The following CEP192 variants were observed in gnomAD, a reference collection of about 807,000 sequenced individuals.
CEP192 encodes centrosomal protein 192.
A neutral mutation model predicts 271.8 loss-of-function variants in CEP192; 151 were observed. That is an observed-to-expected ratio of 0.56 (90% CI 0.49 to 0.64). The LOEUF is 0.64. Among genes scored for constraint, CEP192 ranks in the 30% least tolerant of loss-of-function variants. The pLI, the probability that CEP192 is intolerant of heterozygous loss-of-function variation, is 0.00. For missense variants in CEP192, 2,910 were observed against 3,020.5 expected, an observed-to-expected ratio of 0.96 and a Z score of 0.86; for synonymous variants, 995 against 1,076.5, an observed-to-expected ratio of 0.92 and a Z score of 1.48.
chr18:13,073,145 A>G lies in CEP192; in HGVS notation c.5576A>G (p.Lys1859Arg). ...TGCATGTTGGCTAGACTAGAAATCA[A>G]ACAACTTGGAAATCGATCACAACCA... is the stretch of plus-strand genomic sequence containing the variant. Reference protein sequence around the residue: ...LSCMLARLEIKQLGNRSQPGI... With the variant: ...LSCMLARLEIRQLGNRSQPGI... Residue 1859 changes from lysine (K) to arginine (R), a missense_variant, in exon 30 of 45, where the codon AAA (lysine) becomes AGA (arginine). By Grantham distance (26) the Lys-to-Arg change is conservative. Coordinates refer to ENST00000506447, the MANE Select transcript of CEP192 (RefSeq NM_032142.4). The G allele has an allele frequency of 6.2e-7, 1 of 1,612,506 alleles. No individual in the cohort carries two copies. The highest frequency in any genetic ancestry group is 8.5e-7 in the Non-Finnish European group (1 of 1,179,642).
intron 34 of CEP192, among the ~76,000 whole-genome samples, chr18:13,093,050 T>C (rs1363263969): frequency 1.3e-5 from 2 of 151,778 alleles, no homozygotes; most frequent in African/African-American, 2.4e-5. Context: ...TCCCAGCTAC[T>C]GGGGAGGCTG....
intron 4 of CEP192, among the ~76,000 whole-genome samples, chr18:13,010,089 A>G (rs2034246599): frequency 2.0e-5 from 3 of 151,762 alleles, no homozygotes; most frequent in Admixed American, 6.6e-5. Flanking sequence ...CCAGGCGGTC[A>G]AGGTGATCAT....
At chr18:13,068,266 A>G (rs1347035906) in intron 23 of CEP192, 29 bp downstream of exon 23, 2 of 1,609,096 alleles carry the variant, frequency 1.2e-6, no homozygotes, top group Admixed American at 3.4e-5. Flanking sequence ...AGAATTAAAG[A>G]GGAAATTAAG....
chr18:13,041,588 T>TG (rs2143813314), intron 14 of CEP192, among the ~76,000 whole-genome samples: 1 of 151,792 alleles, frequency 6.6e-6, no homozygotes, highest in South Asian at 2.1e-4. Flanking sequence ...TCTCTTTTTT[T>TG]TTTTTTTGAG....
intron 21 of CEP192, among the ~76,000 whole-genome samples, chr18:13,063,659 C>T (rs1392887476): frequency 6.6e-6 from 1 of 151,940 alleles, no homozygotes; most frequent in African/African-American, 2.4e-5. Flanking sequence ...TTCTCTCATT[C>T]TGTGGGTTGT....
chr18:13,091,534 C>G lies in CEP192; in HGVS notation c.6104-843C>G, dbSNP rs192119280. On this transcript the variant is annotated intron_variant, in intron 33 of 44. Coordinates refer to ENST00000506447, the MANE Select transcript of CEP192 (RefSeq NM_032142.4). ...CAGTAACATTTGCTTGAGCATGTTA[C>G]TATTCCAAGGATTTGTAACAATCTT... 2.6e-5 allele frequency among the ~76,000 whole-genome samples: 4 copies of G among 152,270 alleles called. No individual in the cohort carries two copies. The East Asian group carries it at 5.8e-4, about 22-fold the overall frequency.
intron 4 of CEP192, among the ~76,000 whole-genome samples, chr18:13,009,890 G>A (rs367789335): frequency 6.6e-6 from 1 of 152,186 alleles, no homozygotes; most frequent in African/African-American, 2.4e-5. Flanking sequence ...AATATGGGGG[G>A]TCAGGCACTG....
intron 15 of CEP192, among the ~76,000 whole-genome samples, chr18:13,046,288 C>G (rs749609069): frequency 7.2e-5 from 11 of 152,130 alleles, no homozygotes; most frequent in Non-Finnish European, 1.3e-4. Flanking sequence ...ATGAGGGGTT[C>G]ACCGCTATGA....
rs372299166 is a variant in CEP192 at position 13,072,743 on chromosome 18, A to G, written c.5349-12A>G. ...GAGAAAAACCATATTTAAAATGTCT[A>G]ATTGTTTTTAGGCTTCAGAAACTAG... is the stretch of plus-strand genomic sequence containing the variant. On this transcript the variant is annotated splice_polypyrimidine_tract_variant and intron_variant, in intron 28 of 44. Transcript: ENST00000506447. The G allele has an allele frequency of 2.2e-5, 34 of 1,537,440 alleles. No homozygotes were observed. Among genetic ancestry groups the G allele is most frequent in the East Asian group, 4.5e-5 (2 of 44,530 alleles).
At chr18:13,112,360 G>A (rs1006577309) in intron 40 of CEP192, among the ~76,000 whole-genome samples, 8 of 152,198 alleles carry the variant, frequency 5.3e-5, no homozygotes, top group Non-Finnish European at 8.8e-5. Flanking sequence ...CTAAGTGAAA[G>A]AAGCCAGTCA....
chr18:13,118,169 G>T (rs1221758879), intron 44 of CEP192, among the ~76,000 whole-genome samples: 2 of 152,128 alleles, frequency 1.3e-5, no homozygotes, highest in African/African-American at 2.4e-5. Flanking sequence ...GCACATTTAG[G>T]TTGAACCTCG....
chr18:13,029,887 A>G lies in CEP192; in HGVS notation c.1275A>G (p.Val425=). 1 of 1,551,722 alleles carries G rather than the reference A, an allele frequency of 6.4e-7. No individual in the cohort carries two copies. Among genetic ancestry groups the G allele is most frequent in the South Asian group, 1.2e-5 (1 of 84,064 alleles). The change falls in exon 10 of 45, where the codon GTA becomes GTG. Residue 425 remains valine, a synonymous_variant. Coordinates refer to ENST00000506447, the MANE Select transcript of CEP192 (RefSeq NM_032142.4). The part of the protein sequence containing the change: ...PTVSIQENVD[V]ASLKPISDSG... The stretch of plus-strand genomic sequence containing the variant: ...TGTCCATTCAAGAAAATGTGGATGT[A>G]GCCTCTTTGAAGCCCATTAGTGACA...
At chr18:13,024,603 C>T (rs2035186099) in intron 9 of CEP192, among the ~76,000 whole-genome samples, 1 of 152,024 alleles carries the variant, frequency 6.6e-6, no homozygotes, top group African/African-American at 2.4e-5. Context: ...GCTAGAATTA[C>T]AGGCATGCAC....
Position 13,077,185 on chromosome 18 carries a change from C to T in CEP192, c.5616+4000C>T, listed in dbSNP as rs182350068. ...TATTTTAGTTAAGTACATAACAACT[C>T]GGAATAAGTTATGATGGTTTCAAGT... On this transcript the variant is annotated intron_variant, in intron 30 of 44. Transcript: ENST00000506447. Among the ~76,000 whole-genome samples, 239 of 152,258 alleles carry T rather than the reference C, an allele frequency of 1.6e-3. 2 individuals are homozygous for T. Among genetic ancestry groups the T allele is most frequent in the African/African-American group, 5.2e-3 (217 of 41,544 alleles).
At chr18:13,091,018 T>G (rs1214883522) in intron 33 of CEP192, among the ~76,000 whole-genome samples, 1 of 152,184 alleles carries the variant, frequency 6.6e-6, no homozygotes, top group Non-Finnish European at 1.5e-5. Context: ...GATGCAGTCC[T>G]TGTCCATGAG....
At chr18:13,084,199 CT>C (rs1302780815) in intron 30 of CEP192, among the ~76,000 whole-genome samples, 2 of 152,168 alleles carry the variant, frequency 1.3e-5, no homozygotes, top group African/African-American at 4.8e-5. Context: ...TTTCTGCTGC[CT>C]TTTTTTCAGC....
At chr18:13,074,991 T>C (rs763722989) in intron 30 of CEP192, among the ~76,000 whole-genome samples, 5 of 152,238 alleles carry the variant, frequency 3.3e-5, no homozygotes, top group African/African-American at 1.2e-4. Flanking sequence ...GTTGATTGTA[T>C]TCTGGGCACT....
Position 13,124,950 on chromosome 18 carries a change from GTAT to G in CEP192, c.*182_*184del. ...TGAAATATTATGTATCTAGCCCATA[GTAT>G]TGTACTTAACTTTTACAGGTGAGAA... On this transcript the variant is annotated 3_prime_UTR_variant, in exon 45 of 45. Transcript: ENST00000506447. 1 of 489,624 alleles carries G rather than the reference GTAT, an allele frequency of 2.0e-6. No individual in the cohort carries two copies. Among genetic ancestry groups the G allele is most frequent in the Non-Finnish European group, 3.6e-6 (1 of 274,580 alleles). 30.3% of individuals were successfully genotyped at this position (489,624 alleles called of 1,614,324 possible).
chr18:13,088,191 C>T (rs1237777037), intron 32 of CEP192, among the ~76,000 whole-genome samples: 2 of 152,188 alleles, frequency 1.3e-5, no homozygotes, highest in South Asian at 2.1e-4. Flanking sequence ...CTGTGTGGCT[C>T]ATGCCCAGCA....
Sources: gnomAD v4.1 joint callset for allele counts (sites outside exome capture counted in the v4.1 genomes callset) on GRCh38, gnomAD v4.1.1 for gene constraint, MANE v1.5 for transcripts, NCBI Gene and HGNC (gene_info 2026-07-23, HGNC 2026-07-21) for gene names.